Variants in DPP10 observed in about 807,000 individuals in gnomAD.
The protein encoded by DPP10 is inactive dipeptidyl peptidase 10.
Under a neutral mutation model 120.9 loss-of-function variants are expected in DPP10, and 33 were observed. The observed-to-expected ratio is 0.27, with a 90% CI of 0.21 to 0.37. The LOEUF (loss-of-function observed/expected upper bound fraction) is 0.37. Among genes scored for constraint, DPP10 ranks in the 10% least tolerant of loss-of-function variants. The probability of loss-of-function intolerance (pLI) is 1.00; values close to 1 mark genes in which losing one functional copy is unlikely to be tolerated. For synonymous variants in DPP10, 337 were observed against 326.1 expected (o/e 1.03, Z -0.36); for missense variants, 816 against 942.8 (o/e 0.87, Z 1.76).
intron 1 of DPP10, among the ~76,000 whole-genome samples, chr2:115,238,336 A>G (rs915693420): frequency 9.2e-5 from 14 of 152,208 alleles, no homozygotes; most frequent in Non-Finnish European, 1.9e-4. Context: ...GCTTAAAGAA[A>G]CAACATTTTC....
At chr2:114,728,999 C>T (rs1028698435) in intron 1 of DPP10, among the ~76,000 whole-genome samples, 6 of 152,094 alleles carry the variant, frequency 3.9e-5, no homozygotes, top group African/African-American at 9.7e-5. Context: ...GCATGTGATT[C>T]CAGACCCATA....
chr2:114,828,752 G>T (rs1471278362), intron 1 of DPP10: 1 of 152,250 alleles, frequency 6.6e-6, no homozygotes, highest in African/African-American at 2.4e-5. Context: ...AGAGAAGTTA[G>T]TCATTGAAGT....
chr2:115,765,946 A>G (rs1490845680), intron 12 of DPP10, among the ~76,000 whole-genome samples: 1 of 152,066 alleles, frequency 6.6e-6, no homozygotes, highest in African/African-American at 2.4e-5. Context: ...TCCTTATTTT[A>G]CTGTCAAGAG....
intron 10 of DPP10, among the ~76,000 whole-genome samples, chr2:115,748,574 GAAC>G (rs944620720): frequency 2.6e-5 from 4 of 151,986 alleles, no homozygotes; most frequent in South Asian, 2.1e-4. Flanking sequence ...CCACACTGGA[GAAC>G]AACATTTTTT....
At chr2:115,479,436 G>T (rs76972536) in intron 3 of DPP10, among the ~76,000 whole-genome samples, 1 of 152,004 alleles carries the variant, frequency 6.6e-6, no homozygotes, top group African/African-American at 2.4e-5. Context: ...TGTTTAATGC[G>T]TACAGATTTT....
At position 115,780,983 on chromosome 2, in the gene DPP10, T is replaced by C; in HGVS notation, c.1471T>C (p.Leu491=). The C allele has an allele frequency of 6.3e-7, 1 of 1,587,364 alleles. No individual in the cohort carries two copies. Residue 491 remains leucine (L), a synonymous_variant, in exon 16 of 26, where the codon TTA becomes CTA. Transcript: ENST00000410059. ...TAGTCCCATGAATCAACATTTCTTA[T>C]TATTCTGTGAAGGTAAGATAATACA... is the stretch of plus-strand genomic sequence containing the variant. The part of the protein sequence containing the change: ...SFSPMNQHFL[L]FCEGPRVPVV...
rs547778407 is a variant in DPP10 at position 115,243,677 on chromosome 2, A to G, written c.61-65562A>G. On this transcript the variant is annotated intron_variant, in intron 1 of 25. Coordinates refer to ENST00000410059, the MANE Select transcript of DPP10 (RefSeq NM_020868.6). ...AGGCCATACATAGTCCAAGCAACCA[A>G]CAAGTATTTGACTCATACAAATCTG... Among the ~76,000 whole-genome samples the G allele has an allele frequency of 2.0e-5, 3 of 152,218 alleles. No individual in the cohort carries two copies. The South Asian group carries it at 6.2e-4, about 32-fold the overall frequency.
chr2:115,806,473 A>G (rs1337202876), intron 19 of DPP10, among the ~76,000 whole-genome samples: 2 of 152,212 alleles, frequency 1.3e-5, no homozygotes, highest in Admixed American at 6.5e-5. Context: ...CTATGTTTAT[A>G]TAACCACACT....
intron 1 of DPP10, among the ~76,000 whole-genome samples, chr2:115,279,854 G>T (rs1466606408): frequency 6.6e-6 from 1 of 151,214 alleles, no homozygotes; most frequent in Non-Finnish European, 1.5e-5. Context: ...TAGCGACAGG[G>T]TTTCACCATG....
At chr2:115,784,027 T>C (rs1178660165) in intron 17 of DPP10, among the ~76,000 whole-genome samples, 2 of 152,226 alleles carry the variant, frequency 1.3e-5, no homozygotes, top group Non-Finnish European at 2.9e-5. Context: ...AATTTTATCC[T>C]GTTGTTACAA....
intron 1 of DPP10, among the ~76,000 whole-genome samples, chr2:115,097,460 T>A (rs1409400428): frequency 1.3e-5 from 2 of 152,218 alleles, no homozygotes; most frequent in Non-Finnish European, 1.5e-5. Context: ...CTTTATATCA[T>A]GACTGTGATT....
At chr2:114,557,276 T>C (rs1688401431) in intron 1 of DPP10, among the ~76,000 whole-genome samples, 1 of 152,136 alleles carries the variant, frequency 6.6e-6, no homozygotes, top group Non-Finnish European at 1.5e-5. Flanking sequence ...AACCCACAGG[T>C]AGTGAGCAAG....
chr2:115,827,590 T>A (rs927909416), intron 21 of DPP10, among the ~76,000 whole-genome samples: 3 of 150,850 alleles, frequency 2.0e-5, no homozygotes, highest in Admixed American at 6.6e-5. Flanking sequence ...TTTTTATTTT[T>A]ATTTTATTTT....
In DPP10 at chr2:114,485,569, T is replaced by A. The variant is rs371755012; in HGVS notation, c.60+42731T>A. ...TCCATTTTGGTTTGCACTAGTGTTG[T>A]GCACTAGTGTTGCACTAGTGTTGTG... On this transcript the variant is annotated intron_variant, in intron 1 of 25. Coordinates refer to ENST00000410059, the MANE Select transcript of DPP10 (RefSeq NM_020868.6). 2.8e-4 allele frequency among the ~76,000 whole-genome samples: 33 copies of A among 119,510 alleles called. No homozygotes were observed. The East Asian group carries it at 6.1e-3, about 22-fold the overall frequency. The allele number at this position is 119,510 out of a possible 152,430, so 78.4% of individuals were successfully genotyped here. A position where few individuals can be genotyped will look rare whatever the true frequency, so the allele number is the denominator to read the frequency against.
intron 1 of DPP10, among the ~76,000 whole-genome samples, chr2:115,015,971 A>G (rs1274158173): frequency 6.6e-6 from 1 of 152,186 alleles, no homozygotes; most frequent in Non-Finnish European, 1.5e-5. Context: ...GCTACCATTG[A>G]CTTATTTCAT....
intron 1 of DPP10, among the ~76,000 whole-genome samples, chr2:115,057,022 A>T (rs1705975214): frequency 6.6e-6 from 1 of 152,226 alleles, no homozygotes; most frequent in Non-Finnish European, 1.5e-5. Flanking sequence ...CTAAAAGAGG[A>T]GAACTATTTC....
intron 1 of DPP10, among the ~76,000 whole-genome samples, chr2:115,006,304 A>G (rs1314671631): frequency 1.3e-5 from 2 of 152,250 alleles, no homozygotes; most frequent in African/African-American, 2.4e-5. Flanking sequence ...AAGAAACTGC[A>G]TCAACTAACG....
At chr2:115,559,779 G>A (rs2080449912) in intron 5 of DPP10, among the ~76,000 whole-genome samples, 1 of 152,018 alleles carries the variant, frequency 6.6e-6, no homozygotes, top group Non-Finnish European at 1.5e-5. Context: ...CAAATAACAA[G>A]GTCAAATAAG....
At chr2:115,267,121 A>T (rs2059494408) in intron 1 of DPP10, among the ~76,000 whole-genome samples, 1 of 152,160 alleles carries the variant, frequency 6.6e-6, no homozygotes, top group South Asian at 2.1e-4. Flanking sequence ...GCTAATGATT[A>T]TATGCTAGAA....
Sources: allele counts gnomAD v4.1 joint callset (sites outside exome capture counted in the v4.1 genomes callset), GRCh38; gene constraint gnomAD v4.1.1; transcripts MANE v1.5; gene names NCBI Gene and HGNC (gene_info 2026-07-23, HGNC 2026-07-21).